DHCR7: variants seen among roughly 807,000 people sequenced by gnomAD.
DHCR7 encodes 7-dehydrocholesterol reductase.
DHCR7 carries 40 observed loss-of-function variants against 43.3 expected under a neutral mutation model. The ratio of observed to expected loss-of-function variants is 0.92; its 90% confidence interval spans 0.72 to 1.20. The LOEUF is 1.20. Ranked by LOEUF, DHCR7 falls within the 50% of genes most tolerant of loss-of-function variation. The probability of loss-of-function intolerance (pLI) is 0.00; values close to 1 mark genes in which losing one functional copy is unlikely to be tolerated. For synonymous variants in DHCR7, 298 were observed against 271.4 expected (o/e 1.10, Z -0.96); for missense variants, 608 against 644.6 (o/e 0.94, Z 0.62).
In DHCR7 at chr11:71,444,839, C is replaced by T; in HGVS notation, c.98+16G>A. Reference sequence around the variant, plus strand: ...ACACTTTACTTTCTAGCTGGGAGAACAGGCAAGATCCTTACCAGGCACGGC... The same window carrying T: ...ACACTTTACTTTCTAGCTGGGAGAATAGGCAAGATCCTTACCAGGCACGGC... On this transcript the variant is annotated intron_variant, in intron 3 of 8. Coordinates refer to ENST00000355527, the MANE Select transcript of DHCR7 (RefSeq NM_001360.3). 1 of 1,610,218 alleles carries T rather than the reference C, an allele frequency of 6.2e-7. No homozygotes were observed. The highest frequency in any genetic ancestry group is 8.5e-7 in the Non-Finnish European group (1 of 1,176,448).
intron 7 of DHCR7, among the ~76,000 whole-genome samples, chr11:71,438,308 TTCTCCTAGCCA>T (rs1949311158): frequency 6.6e-6 from 1 of 151,964 alleles, no homozygotes; most frequent in Admixed American, 6.5e-5. Context: ...CCCTCTCGGG[TTCTCCTAGCCA>T]GCTCCCGCTG....
intron 2 of DHCR7, 112 bp downstream of exon 2, chr11:71,447,498 G>T (rs929468376): frequency 1.3e-5 from 2 of 152,218 alleles, no homozygotes; most frequent in African/African-American, 4.8e-5. Context: ...TTACTCATAA[G>T]AGGCACAGAC....
At chr11:71,432,235 C>T (rs996267510), downstream of DHCR7, among the ~76,000 whole-genome samples, 2 of 152,224 alleles carry the variant, frequency 1.3e-5, no homozygotes, top group East Asian at 1.9e-4. Flanking sequence ...AGAACTCCTA[C>T]GTACTGTTTA....
At position 71,438,920 on chromosome 11, in the gene DHCR7, T is replaced by C. The variant is rs766838675; in HGVS notation, c.790A>G (p.Ser264Gly). The part of the protein sequence containing the change: ...SFAAKQRELH[S>G]HVTNAMVLVN... The stretch of plus-strand genomic sequence containing the variant: ...AGGACCATGGCATTGGTCACATGGC[T>C]GTGGAGCTCCCGCTGCTTCGCTGCG... Residue 264 changes from serine (S) to glycine (G), a missense_variant, in exon 7 of 9, where the codon AGC becomes GGC. Physicochemically the swap from Ser to Gly is moderately conservative, Grantham distance 56 (BLOSUM62 0). Coordinates refer to ENST00000355527, the MANE Select transcript of DHCR7 (RefSeq NM_001360.3). The C allele has an allele frequency of 6.2e-7, 1 of 1,613,970 alleles. No individual in the cohort carries two copies. The highest frequency in any genetic ancestry group is 1.7e-5 in the Admixed American group (1 of 60,032).
Position 71,446,724 on chromosome 11 carries a change from G to A in DHCR7, c.-7+886C>T, listed in dbSNP as rs545169774. 9.8e-5 allele frequency among the ~76,000 whole-genome samples: 15 copies of A among 152,338 alleles called. No individual in the cohort carries two copies. In the South Asian group the frequency reaches 1.7e-3, roughly 17 times the overall value. On this transcript the variant is annotated intron_variant, in intron 2 of 8. Coordinates refer to ENST00000355527, the MANE Select transcript of DHCR7 (RefSeq NM_001360.3). Reference sequence around the variant, plus strand: ...ATGCAGTGTGAGAACTTCAGTACCCGCACTTCATTCAATTTACACAAGTTA... The same window carrying A: ...ATGCAGTGTGAGAACTTCAGTACCCACACTTCATTCAATTTACACAAGTTA...
At chr11:71,439,741 C>T (rs1248742829) in intron 6 of DHCR7, among the ~76,000 whole-genome samples, 2 of 152,180 alleles carry the variant, frequency 1.3e-5, no homozygotes, top group Non-Finnish European at 2.9e-5. Flanking sequence ...ACTAGAAAAT[C>T]CTATTTTCAT....
chr11:71,447,282 A>C (rs1314575900), intron 2 of DHCR7, among the ~76,000 whole-genome samples: 3 of 152,364 alleles, frequency 2.0e-5, no homozygotes, highest in South Asian at 2.1e-4. Flanking sequence ...CTCAGAACTA[A>C]AGTGTGAAAA....
chr11:71,444,077 A>G lies in DHCR7; in HGVS notation c.237T>C (p.His79=), dbSNP rs1316013264. 10 of 1,613,748 alleles carry G rather than the reference A, an allele frequency of 6.2e-6. No homozygotes were observed. Among genetic ancestry groups the G allele is most frequent in the South Asian group, 2.2e-5 (2 of 90,940 alleles). ...TGPVVDIVTG[H]ARLSDIWAKT... is the part of the protein sequence containing the mutation. ...TGGCCCAGATGTCCGAGAGCCGAGC[A>G]TGTCCGGTGACGATGTCCACCACAG... The change falls in exon 4 of 9, where the codon CAT becomes CAC. Residue 79 remains histidine (H), a synonymous_variant. Transcript: ENST00000355527.
chr11:71,432,549 G>T (rs1949234333), downstream of DHCR7, among the ~76,000 whole-genome samples: 1 of 152,120 alleles, frequency 6.6e-6, no homozygotes, highest in African/African-American at 2.4e-5. Flanking sequence ...GTATTTTTGT[G>T]GGCATAGTGA....
chr11:71,439,121 G>T, intron 6 of DHCR7, 38 bp from the exon 7 acceptor site: 1 of 1,581,108 alleles, frequency 6.3e-7, no homozygotes, highest in Non-Finnish European at 8.6e-7. Flanking sequence ...TAGTGGATGA[G>T]CATATCTCAC....
downstream of DHCR7, among the ~76,000 whole-genome samples, chr11:71,431,390 T>C (rs753723141): frequency 2.8e-4 from 43 of 152,220 alleles, no homozygotes; most frequent in Admixed American, 2.0e-4. Flanking sequence ...GATCCACCTC[T>C]GTCTGCTGGG....
chr11:71,435,165 C>T lies in DHCR7; in HGVS notation c.*210G>A, dbSNP rs1424338939. 8.6e-6 allele frequency: 6 copies of T among 701,094 alleles called. No homozygotes were observed. The highest frequency in any genetic ancestry group is 1.5e-5 in the South Asian group (1 of 66,950). 43.4% of individuals were successfully genotyped at this position (701,094 alleles called of 1,614,324 possible). On this transcript the variant is annotated 3_prime_UTR_variant, in exon 9 of 9. Coordinates refer to ENST00000355527, the MANE Select transcript of DHCR7 (RefSeq NM_001360.3). ...AGAAAATCCGTCTGTGCTGGCAATA[C>T]GGCAGTGCTGGACACTCGGAATTCC...
chr11:71,441,851 C>T (rs1300401648), intron 5 of DHCR7, among the ~76,000 whole-genome samples: 4 of 152,152 alleles, frequency 2.6e-5, no homozygotes, highest in African/African-American at 7.2e-5. Context: ...AGTTGGGATG[C>T]GGTTCCAGTC....
chr11:71,444,969 GA>G lies in DHCR7; in HGVS notation c.-6-12del, dbSNP rs770760857. 2.5e-6 allele frequency: 4 copies of G among 1,610,010 alleles called. No individual in the cohort carries two copies. The Admixed American group carries it at 6.7e-5, about 27-fold the overall frequency. On this transcript the variant is annotated splice_polypyrimidine_tract_variant and intron_variant, in intron 2 of 8. Transcript: ENST00000355527. ...TGCAGCCATTGGGCCCTGCAAGAAA[GA>G]GAACCTTGCTTACATTATCCCTCAA...
chr11:71,428,723 C>T (rs1382425562), exon 3 of DHCR7: 3 of 420,074 alleles, frequency 7.1e-6, no homozygotes, highest in South Asian at 3.4e-5. Flanking sequence ...TCCCTGCAGT[C>T]CTGTCCAGGG....
At chr11:71,427,736 T>C (rs1949207030), downstream of DHCR7, among the ~76,000 whole-genome samples, 1 of 152,136 alleles carries the variant, frequency 6.6e-6, no homozygotes, top group South Asian at 2.1e-4. Flanking sequence ...TCAAAGGGTC[T>C]CTCCCAGTGG....
Position 71,448,373 on chromosome 11 carries a change from C to T in DHCR7, c.-215G>A, listed in dbSNP as rs913100777. 1.3e-5 allele frequency: 2 copies of T among 152,776 alleles called. No homozygotes were observed. Among genetic ancestry groups the T allele is most frequent in the East Asian group, 1.9e-4 (1 of 5,202 alleles). 9.5% of individuals were successfully genotyped at this position (152,776 alleles called of 1,614,324 possible). A position where few individuals can be genotyped will look rare whatever the true frequency, so the allele number is the denominator to read the frequency against. ...CTGCTCCACGCCGCCTACCCTCTAG[C>T]CAGGGGTCGGAGTCACCCGCAGGGC... On this transcript the variant is annotated 5_prime_UTR_variant, in exon 1 of 9. Transcript: ENST00000355527.
At chr11:71,444,381 T>G (rs945869882) in intron 3 of DHCR7, 166 bp from the exon 4 acceptor site, 6 of 651,262 alleles carry the variant, frequency 9.2e-6, no homozygotes, top group Non-Finnish European at 1.7e-5. Context: ...GGGAAGCCAC[T>G]CAACATGCCT....
chr11:71,439,045 C>T lies in DHCR7; in HGVS notation c.665G>A (p.Gly222Asp), dbSNP rs751026224. The change falls in exon 7 of 9, where the codon GGC (glycine) becomes GAC (aspartate). Residue 222 changes from glycine to aspartate, a missense_variant. Physicochemically the swap from Gly to Asp is moderately conservative, Grantham distance 94 (BLOSUM62 -1). Transcript: ENST00000355527. Reference sequence around the variant, plus strand: ...CCCGATCCGAGGGTTAAACTCGATGCCCATCATGTAGTTGTAAAAGAAATT... The same window carrying T: ...CCCGATCCGAGGGTTAAACTCGATGTCCATCATGTAGTTGTAAAAGAAATT... ...TGNFFYNYMM[G>D]IEFNPRIGKW... 4 of 1,614,048 alleles carry T rather than the reference C, an allele frequency of 2.5e-6. No homozygotes were observed. The highest frequency in any genetic ancestry group is 3.4e-6 in the Non-Finnish European group (4 of 1,180,016).
Sources: gnomAD v4.1 joint callset for allele counts (sites outside exome capture counted in the v4.1 genomes callset) on GRCh38, gnomAD v4.1.1 for gene constraint, MANE v1.5 for transcripts, NCBI Gene and HGNC (gene_info 2026-07-23, HGNC 2026-07-21) for gene names.